The following SIPA1L1 variants were observed in gnomAD, a reference collection of about 807,000 sequenced individuals.
The protein encoded by SIPA1L1 is signal-induced proliferation-associated 1-like protein 1.
Under a neutral mutation model 162.7 loss-of-function variants are expected in SIPA1L1, and 26 were observed. The observed-to-expected ratio is 0.16, with a 90% CI of 0.12 to 0.22. The LOEUF is 0.22. Ranked by LOEUF, SIPA1L1 falls within the 10% of genes least tolerant of loss-of-function variation. The pLI, the probability that SIPA1L1 is intolerant of heterozygous loss-of-function variation, is 1.00. For synonymous variants in SIPA1L1, 829 were observed against 837.4 expected (o/e 0.99, Z 0.17); for missense variants, 1,874 against 2,241.0 (o/e 0.84, Z 3.31).
chr14:71,651,859 T>C (rs755861659), intron 8 of SIPA1L1, among the ~76,000 whole-genome samples: 2 of 152,224 alleles, frequency 1.3e-5, no homozygotes, highest in Non-Finnish European at 2.9e-5. Flanking sequence ...ATAAGCACTT[T>C]GTGCACAGTT....
chr14:71,655,320 C>T (rs780215732), intron 8 of SIPA1L1, among the ~76,000 whole-genome samples: 40 of 152,196 alleles, frequency 2.6e-4, no homozygotes, highest in African/African-American at 8.7e-4. Flanking sequence ...TTTATGGCTG[C>T]GTACCATTCC....
At chr14:71,350,027 G>T (rs906180032) in intron 2 of SIPA1L1, among the ~76,000 whole-genome samples, 1 of 152,152 alleles carries the variant, frequency 6.6e-6, no homozygotes, top group Non-Finnish European at 1.5e-5. Context: ...GGGCAGGCAG[G>T]TGCTGAGGCT....
chr14:71,337,582 C>G (rs2035226452), intron 2 of SIPA1L1, among the ~76,000 whole-genome samples: 1 of 152,164 alleles, frequency 6.6e-6, no homozygotes, highest in Non-Finnish European at 1.5e-5. Context: ...TTCACTATCA[C>G]AAGAACAGCA....
At chr14:71,615,117 T>C (rs1362018853) in intron 5 of SIPA1L1, among the ~76,000 whole-genome samples, 1 of 152,216 alleles carries the variant, frequency 6.6e-6, no homozygotes, top group Non-Finnish European at 1.5e-5. Flanking sequence ...GTCTATGTCA[T>C]ACTTCGGATG....
intron 6 of SIPA1L1, among the ~76,000 whole-genome samples, chr14:71,619,137 C>G (rs1292585248): frequency 6.6e-6 from 1 of 151,978 alleles, no homozygotes; most frequent in African/African-American, 2.4e-5. Flanking sequence ...AAAGATATGT[C>G]CATTAAGTGT....
At chr14:71,401,607 T>G (rs2041678124) in intron 2 of SIPA1L1, among the ~76,000 whole-genome samples, 1 of 152,138 alleles carries the variant, frequency 6.6e-6, no homozygotes, top group Non-Finnish European at 1.5e-5. Flanking sequence ...AAAACATTTT[T>G]CTTTATATTA....
chr14:71,351,471 T>C (rs1425685891), intron 2 of SIPA1L1, among the ~76,000 whole-genome samples: 1 of 152,246 alleles, frequency 6.6e-6, no homozygotes, highest in East Asian at 1.9e-4. Flanking sequence ...TTGTTACTTT[T>C]ATTTGCTTCT....
chr14:71,606,200 G>A (rs1230388263), intron 5 of SIPA1L1, among the ~76,000 whole-genome samples: 1 of 152,176 alleles, frequency 6.6e-6, no homozygotes, highest in Non-Finnish European at 1.5e-5. Flanking sequence ...GCAGACGGGT[G>A]GAAAACATGC....
chr14:71,466,180 C>T (rs991383467), intron 2 of SIPA1L1, among the ~76,000 whole-genome samples: 1 of 151,954 alleles, frequency 6.6e-6, no homozygotes, highest in Non-Finnish European at 1.5e-5. Context: ...GTGTTTTGAG[C>T]AGGGCAGAAA....
At chr14:71,656,521 A>C (rs2043071348) in intron 8 of SIPA1L1, among the ~76,000 whole-genome samples, 1 of 152,212 alleles carries the variant, frequency 6.6e-6, no homozygotes, top group Non-Finnish European at 1.5e-5. Flanking sequence ...TAAATAGTTC[A>C]GTTGAATCCT....
chr14:71,598,501 C>T (rs1284619142), intron 5 of SIPA1L1, among the ~76,000 whole-genome samples: 1 of 152,140 alleles, frequency 6.6e-6, no homozygotes, highest in East Asian at 1.9e-4. Context: ...AGGCACAACC[C>T]CAGCCCAATC....
At chr14:71,524,984 C>T (rs1184015699) in intron 3 of SIPA1L1, among the ~76,000 whole-genome samples, 1 of 152,032 alleles carries the variant, frequency 6.6e-6, no homozygotes, top group African/African-American at 2.4e-5. Context: ...GCCTTTTACT[C>T]TCCCTACATT....
At chr14:71,737,958 C>G (rs2085449350) in intron 22 of SIPA1L1, among the ~76,000 whole-genome samples, 1 of 152,094 alleles carries the variant, frequency 6.6e-6, no homozygotes, top group South Asian at 2.1e-4. Context: ...GCCAAAGAGA[C>G]CATTTTCACT....
intron 2 of SIPA1L1, among the ~76,000 whole-genome samples, chr14:71,454,045 A>AAG (rs2046016432): frequency 6.6e-6 from 1 of 151,336 alleles, no homozygotes; most frequent in African/African-American, 2.4e-5. Context: ...AAATCCTAGA[A>AAG]AGAGAGTTCA....
At chr14:71,517,341 C>G (rs759480377) in intron 3 of SIPA1L1, among the ~76,000 whole-genome samples, 2 of 151,930 alleles carry the variant, frequency 1.3e-5, no homozygotes, top group South Asian at 4.2e-4. Context: ...AAATTTATTT[C>G]GGCATAGGTA....
chr14:71,513,734 C>T (rs974107494), intron 3 of SIPA1L1, among the ~76,000 whole-genome samples: 1 of 152,094 alleles, frequency 6.6e-6, no homozygotes, highest in Non-Finnish European at 1.5e-5. Context: ...CTCTAGTGAT[C>T]CACCTAGGCT....
At chr14:71,453,274 T>A (rs1039935538) in intron 2 of SIPA1L1, among the ~76,000 whole-genome samples, 2 of 152,186 alleles carry the variant, frequency 1.3e-5, no homozygotes, top group African/African-American at 4.8e-5. Context: ...TCTTTTGTTT[T>A]GTTTTTGGAG....
At chr14:71,653,801 AC>A (rs1006108974) in intron 8 of SIPA1L1, among the ~76,000 whole-genome samples, 3 of 152,060 alleles carry the variant, frequency 2.0e-5, no homozygotes, top group Non-Finnish European at 4.4e-5. Context: ...ATTCCGACAA[AC>A]CTGCTAGATA....
chr14:71,582,459 A>G (rs918601431), intron 4 of SIPA1L1, among the ~76,000 whole-genome samples: 3 of 152,136 alleles, frequency 2.0e-5, no homozygotes, highest in African/African-American at 7.2e-5. Flanking sequence ...AGCTATACAA[A>G]CTATATTCAA....
Sources: allele counts gnomAD v4.1 joint callset (sites outside exome capture counted in the v4.1 genomes callset), GRCh38; gene constraint gnomAD v4.1.1; transcripts MANE v1.5; gene names NCBI Gene and HGNC (gene_info 2026-07-23, HGNC 2026-07-21).